PFKFB3: variants seen among roughly 807,000 people sequenced by gnomAD.
The protein encoded by PFKFB3 is 6-phosphofructo-2-kinase/fructose-2,6-biphosphatase 3, also known as 6-phosphofructo-2-kinase/fructose-2,6-bisphosphatase 3.
PFKFB3 carries 33 observed loss-of-function variants against 68.0 expected under a neutral mutation model. The ratio of observed to expected loss-of-function variants is 0.49; its 90% CI spans 0.37 to 0.65. The LOEUF (loss-of-function observed/expected upper bound fraction) is 0.65. Among genes scored for constraint, PFKFB3 ranks in the 30% least tolerant of loss-of-function variants. The pLI is 0.00. For synonymous variants in PFKFB3, 315 were observed against 288.2 expected (o/e 1.09, Z -0.94); for missense variants, 586 against 712.2 (o/e 0.82, Z 2.02).
At chr10:6,300,039 G>T in the PFKFB3 span, among the ~76,000 whole-genome samples, 1 of 116,880 alleles carries the variant, frequency 8.6e-6, no homozygotes, top group Non-Finnish European at 1.6e-5. Flanking sequence ...GTCTGATTAT[G>T]CTAAGATCAC....
chr10:6,306,827 G>T, the PFKFB3 span, among the ~76,000 whole-genome samples: 1 of 152,196 alleles, frequency 6.6e-6, no homozygotes, highest in Admixed American at 6.5e-5. Flanking sequence ...AGACAACCAA[G>T]TTACGGGGTC....
the PFKFB3 span, among the ~76,000 whole-genome samples, chr10:6,304,044 C>A: frequency 1.2e-4 from 18 of 152,070 alleles, no homozygotes; most frequent in Non-Finnish European, 1.8e-4. Context: ...TGTGGAGAAG[C>A]CATCAACACA....
intron 1 of PFKFB3, among the ~76,000 whole-genome samples, chr10:6,210,190 T>G (rs1844077789): frequency 8.4e-6 from 1 of 119,096 alleles, no homozygotes; most frequent in Non-Finnish European, 2.0e-5. Context: ...AAACATGAGA[T>G]GTGCTGTGAG....
At chr10:6,300,319 C>T in the PFKFB3 span, among the ~76,000 whole-genome samples, 1 of 152,114 alleles carries the variant, frequency 6.6e-6, no homozygotes, top group Admixed American at 6.5e-5. Flanking sequence ...ATTTTCACTT[C>T]CTCCATCATT....
chr10:6,237,159 T>G (rs1846032737), downstream of PFKFB3, among the ~76,000 whole-genome samples: 1 of 152,210 alleles, frequency 6.6e-6, no homozygotes, highest in Admixed American at 6.5e-5. Flanking sequence ...CCCATCCCCA[T>G]TCAGTTATCA....
downstream of PFKFB3, among the ~76,000 whole-genome samples, chr10:6,237,491 G>T (rs868411866): frequency 1.2e-4 from 19 of 152,298 alleles, no homozygotes; most frequent in East Asian, 7.7e-4. Context: ...AACTTTTTTT[G>T]AATTAAAAAT....
At chr10:6,205,175 A>G (rs1843602659) in intron 1 of PFKFB3, among the ~76,000 whole-genome samples, 1 of 151,622 alleles carries the variant, frequency 6.6e-6, no homozygotes, top group African/African-American at 2.4e-5. Flanking sequence ...GCTTTGAGGT[A>G]TAGTCTCAGA....
chr10:6,223,038 G>C, intron 11 of PFKFB3, 54 bp downstream of exon 11: 1 of 1,568,246 alleles, frequency 6.4e-7, no homozygotes, highest in South Asian at 1.2e-5. Context: ...ACTGGCACTC[G>C]GCGGGGGGTC....
Position 6,221,793 on chromosome 10 carries a change from C to T in PFKFB3, c.1083+48C>T, listed in dbSNP as rs1195077976. On this transcript the variant is annotated intron_variant, in intron 10 of 14. Transcript: ENST00000379775. ...TGACGGTCCCCAGCACACATGACCA[C>T]TGCTGTGCAGGGCTGGGCCACCCCT... 5.3e-6 allele frequency: 7 copies of T among 1,320,546 alleles called. No homozygotes were observed. The East Asian group carries it at 1.2e-4, about 23-fold the overall frequency. 81.8% of individuals were successfully genotyped at this position (1,320,546 alleles called of 1,614,324 possible).
the PFKFB3 span, among the ~76,000 whole-genome samples, chr10:6,302,735 A>G: frequency 7.0e-6 from 1 of 143,214 alleles, no homozygotes; most frequent in Non-Finnish European, 1.5e-5. Flanking sequence ...CCAAAATAAA[A>G]ATATGTGTGT....
chr10:6,194,835 C>T (rs575440113), intron 1 of PFKFB3, among the ~76,000 whole-genome samples: 4 of 152,030 alleles, frequency 2.6e-5, no homozygotes, highest in Admixed American at 2.6e-4. Flanking sequence ...ACACTCTTCT[C>T]ATGGCAAGGA....
downstream of PFKFB3, among the ~76,000 whole-genome samples, chr10:6,259,568 A>AT (rs373034680): frequency 6.9e-5 from 2 of 28,964 alleles, no homozygotes; most frequent in East Asian, 8.7e-4. Context: ...CCATCCATCC[A>AT]CTCATCCATC....
At chr10:6,292,370 C>T in the PFKFB3 span, among the ~76,000 whole-genome samples, 9 of 145,618 alleles carry the variant, frequency 6.2e-5, no homozygotes, top group South Asian at 2.2e-4. Flanking sequence ...CTGCAAGCTC[C>T]GCCTCCTGGG....
upstream of PFKFB3, among the ~76,000 whole-genome samples, chr10:6,198,087 A>C (rs951440683): frequency 1.3e-5 from 2 of 152,068 alleles, no homozygotes; most frequent in Admixed American, 1.3e-4. Context: ...TACTAAAGAT[A>C]CAAAAAAAAT....
At chr10:6,198,762 C>T (rs770223445), upstream of PFKFB3, among the ~76,000 whole-genome samples, 13 of 152,224 alleles carry the variant, frequency 8.5e-5, no homozygotes, top group African/African-American at 1.7e-4. Context: ...GGATTACAGG[C>T]GTGAGCCACC....
the PFKFB3 span, among the ~76,000 whole-genome samples, chr10:6,272,428 T>C: frequency 6.6e-6 from 1 of 152,194 alleles, no homozygotes; most frequent in African/African-American, 2.4e-5. Flanking sequence ...GCACGGTGGC[T>C]CATGCCTGTA....
chr10:6,156,927 AC>A (rs1841820872), intron 1 of PFKFB3, among the ~76,000 whole-genome samples: 1 of 151,402 alleles, frequency 6.6e-6, no homozygotes. Context: ...CCTCTTCTCT[AC>A]TAAAAATACA....
Position 6,220,942 on chromosome 10 carries a change from G to GC in PFKFB3, c.831+77_831+78insC, listed in dbSNP as rs1554852267. On this transcript the variant is annotated intron_variant, in intron 8 of 14. Transcript: ENST00000379775. The surrounding 1 kb of genome is among the most constrained non-coding windows in gnomAD (Gnocchi z 4.1). Reference sequence around the variant, plus strand: ...GTCTATAGGGTGGGTGGGGAGCTGTGTGCTGCTGCTGCTGCTGCTGCTGCT... The same window carrying GC: ...GTCTATAGGGTGGGTGGGGAGCTGTGCTGCTGCTGCTGCTGCTGCTGCTGCT... 5.6e-6 allele frequency: 5 copies of GC among 887,130 alleles called. No individual in the cohort carries two copies. Among genetic ancestry groups the GC allele is most frequent in the East Asian group, 2.5e-5 (1 of 39,278 alleles). The allele number at this position is 887,130 out of a possible 1,614,324, so 55.0% of individuals were successfully genotyped here.
At chr10:6,254,045 A>G (rs1846442890) in intron 14 of PFKFB3, 1 of 391,796 alleles carries the variant, frequency 2.6e-6, no homozygotes, top group African/African-American at 2.1e-5. Flanking sequence ...CCGTCTCAAA[A>G]AAAGGGTGAT....
Sources: gnomAD v4.1 joint callset for allele counts (sites outside exome capture counted in the v4.1 genomes callset) on GRCh38, gnomAD v4.1.1 for gene constraint, Gnocchi (gnomAD v3.1) non-coding constraint, MANE v1.5 for transcripts, NCBI Gene and HGNC (gene_info 2026-07-23, HGNC 2026-07-21) for gene names.